ACOT9: variants seen among roughly 807,000 people sequenced by gnomAD.
ACOT9 encodes the protein acyl-CoA thioesterase 9, also known as acyl-coenzyme A thioesterase 9, mitochondrial.
In ACOT9, 34 loss-of-function variants were observed where a neutral mutation model predicts 39.7. That is an observed-to-expected ratio of 0.86 (90% confidence interval 0.65 to 1.14). The LOEUF (loss-of-function observed/expected upper bound fraction) is 1.14, where lower values mean the gene tolerates loss of function less well. Among genes scored for constraint, ACOT9 ranks in the 50% most tolerant of loss-of-function variants. The pLI is 0.00. For missense variants in ACOT9, 313 were observed against 344.1 expected (o/e 0.91, Z 0.71); for synonymous variants, 110 against 120.5 (o/e 0.91, Z 0.57).
intron 2 of ACOT9, 69 bp from the exon 3 acceptor site, chrX:23,734,436 T>C (rs1353632000): frequency 7.1e-5 from 64 of 899,607 alleles, no homozygotes; most frequent in Admixed American, 1.6e-4. Flanking sequence ...AAATCTGTAG[T>C]ATTTCAAATA....
Position 23,704,692 on chromosome X carries a change from A to AC in ACOT9, c.1258+1dup. 1 of 1,210,062 alleles carries AC rather than the reference A, an allele frequency of 8.3e-7. No homozygotes were observed. Among genetic ancestry groups the AC allele is most frequent in the Non-Finnish European group, 1.1e-6 (1 of 894,400 alleles). On this transcript the variant is annotated splice_donor_variant, in intron 15 of 15. Coordinates refer to ENST00000379303, the MANE Select transcript of ACOT9 (RefSeq NM_001037171.2). LOFTEE classifies it high-confidence loss of function. ...TAGGGACAAGCAATAATCACTACTT[A>AC]CCTCCATATGTTTTTGGGAAAACCA...
chrX:23,727,335 T>C (rs1226789569), intron 6 of ACOT9, among the ~76,000 whole-genome samples: 1 of 110,929 alleles, frequency 9.0e-6, no homozygotes, highest in Non-Finnish European at 1.9e-5. Context: ...GGAGTTTGTA[T>C]ATATAAGGAC....
At chrX:23,741,980 A>T (rs1472276574) in intron 1 of ACOT9, among the ~76,000 whole-genome samples, 1 of 110,876 alleles carries the variant, frequency 9.0e-6, no homozygotes, top group African/African-American at 3.3e-5. Flanking sequence ...CGGCCTCAAT[A>T]GAATTTTCAA....
At chrX:23,737,213 T>C (rs1407712286) in intron 1 of ACOT9, among the ~76,000 whole-genome samples, 1 of 111,213 alleles carries the variant, frequency 9.0e-6, no homozygotes, top group African/African-American at 3.3e-5. Flanking sequence ...CTTGTGAGGC[T>C]GAGGCAGGAG....
chrX:23,711,307 G>A (rs1475849426), intron 9 of ACOT9, among the ~76,000 whole-genome samples: 1 of 110,665 alleles, frequency 9.0e-6, no homozygotes, highest in Non-Finnish European at 1.9e-5. Flanking sequence ...GGGTGACTGA[G>A]CGAGACTCCA....
intron 9 of ACOT9, among the ~76,000 whole-genome samples, chrX:23,711,826 A>G (rs1199489163): frequency 7.2e-5 from 8 of 111,602 alleles, no homozygotes; most frequent in Non-Finnish European, 1.5e-4. Flanking sequence ...ATACGATGCA[A>G]TATGAAATAC....
chrX:23,730,238 C>T (rs369255713), intron 6 of ACOT9, among the ~76,000 whole-genome samples: 7 of 108,521 alleles, frequency 6.5e-5, no homozygotes, highest in South Asian at 4.1e-4. Context: ...GGGATTACGG[C>T]GCCCACCAAC....
At chrX:23,709,377 G>A (rs776282066) in intron 9 of ACOT9, among the ~76,000 whole-genome samples, 1 of 111,932 alleles carries the variant, frequency 8.9e-6, no homozygotes, top group African/African-American at 3.2e-5. Flanking sequence ...TGGGTGACAA[G>A]AGCCAACCTC....
chrX:23,730,463 C>T, intron 6 of ACOT9, 64 bp downstream of exon 6: 2 of 871,720 alleles, frequency 2.3e-6, no homozygotes, highest in South Asian at 2.1e-5. Context: ...AGAGCCCTTT[C>T]CAGTCACAGA....
chrX:23,708,956 T>A (rs1367289066), intron 9 of ACOT9, among the ~76,000 whole-genome samples: 1 of 112,270 alleles, frequency 8.9e-6, no homozygotes, highest in East Asian at 2.8e-4. Context: ...TAATACAATT[T>A]ACGTGAAAGG....
intron 8 of ACOT9, 88 bp from the exon 9 acceptor site, chrX:23,713,296 G>T: frequency 1.3e-6 from 1 of 760,803 alleles, no homozygotes; most frequent in African/African-American, 2.1e-5. Context: ...TATGTATGCT[G>T]GCCAGGTGCA....
At chrX:23,711,308 C>A (rs1317966511) in intron 9 of ACOT9, among the ~76,000 whole-genome samples, 1 of 109,731 alleles carries the variant, frequency 9.1e-6, no homozygotes. Context: ...GGTGACTGAG[C>A]GAGACTCCAT....
chrX:23,722,082 CTTTT>C (rs1381755728), intron 7 of ACOT9, 98 bp from the exon 8 acceptor site: 5 of 476,114 alleles, frequency 1.1e-5, no homozygotes, highest in Non-Finnish European at 1.3e-5. Flanking sequence ...CACTACATTT[CTTTT>C]TTGTCTTCAA....
chrX:23,735,093 C>T (rs1433041321), intron 2 of ACOT9, among the ~76,000 whole-genome samples: 8 of 104,667 alleles, frequency 7.6e-5, no homozygotes, highest in Admixed American at 5.3e-4. Flanking sequence ...GCCAACGTGG[C>T]GAAACTCCAT....
intron 1 of ACOT9, among the ~76,000 whole-genome samples, chrX:23,742,213 TGAGAGA>T (rs1190609377): frequency 1.5e-5 from 1 of 68,910 alleles, no homozygotes; most frequent in East Asian, 4.1e-4. Flanking sequence ...AGTGAGTGAG[TGAGAGA>T]GAGAGAGAGA....
At chrX:23,708,008 G>T in intron 9 of ACOT9, 64 bp from the exon 10 acceptor site, 1 of 970,826 alleles carries the variant, frequency 1.0e-6, no homozygotes, top group South Asian at 2.3e-5. Flanking sequence ...ACTTGAAGAT[G>T]AACAATCACC....
At chrX:23,720,060 C>T (rs753728128) in intron 8 of ACOT9, among the ~76,000 whole-genome samples, 2 of 112,452 alleles carry the variant, frequency 1.8e-5, no homozygotes, top group Non-Finnish European at 1.9e-5. Flanking sequence ...GTCTCGATCT[C>T]CTGACCTGGT....
intron 9 of ACOT9, among the ~76,000 whole-genome samples, chrX:23,710,471 C>T (rs939793601): frequency 1.8e-5 from 2 of 111,833 alleles, no homozygotes; most frequent in Non-Finnish European, 3.8e-5. Context: ...GAACTCCCAC[C>T]GCCCAAAGAA....
Position 23,701,686 on chromosome X carries a change from G to T in ACOT9, c.*2208C>A, listed in dbSNP as rs987485906. Among the ~76,000 whole-genome samples, 1 of 111,075 alleles carries T rather than the reference G, an allele frequency of 9.0e-6. No individual in the cohort carries two copies. The highest frequency in any genetic ancestry group is 1.9e-5 in the Non-Finnish European group (1 of 52,928). The stretch of plus-strand genomic sequence containing the variant: ...AGGGTCTCACTATGTTTCCCAGGCT[G>T]GTCTCAAGCGATCCTCCCATCTCAG... On this transcript the variant is annotated 3_prime_UTR_variant, in exon 16 of 16. Coordinates refer to ENST00000379303, the MANE Select transcript of ACOT9 (RefSeq NM_001037171.2).
Sources: gnomAD v4.1 joint callset for allele counts (sites outside exome capture counted in the v4.1 genomes callset) on GRCh38, gnomAD v4.1.1 for gene constraint, MANE v1.5 for transcripts, NCBI Gene and HGNC (gene_info 2026-07-23, HGNC 2026-07-21) for gene names.